SASH1: variants seen among roughly 807,000 people sequenced by gnomAD.
The protein encoded by SASH1 is SAM and SH3 domain containing 1.
SASH1 carries 44 observed loss-of-function variants against 125.2 expected under a neutral mutation model. The ratio of observed to expected loss-of-function variants is 0.35; its 90% CI spans 0.28 to 0.45. The LOEUF is 0.45. Ranked by LOEUF, SASH1 falls within the 20% of genes least tolerant of loss-of-function variation. The probability of loss-of-function intolerance (pLI) is 1.00; values close to 1 mark genes in which losing one functional copy is unlikely to be tolerated. For synonymous variants in SASH1, 639 were observed against 649.1 expected (o/e 0.98, Z 0.24); for missense variants, 1,426 against 1,614.5 (o/e 0.88, Z 2.00).
intron 2 of SASH1, among the ~76,000 whole-genome samples, chr6:148,436,278 C>T (rs1170486959): frequency 6.6e-6 from 1 of 152,056 alleles, no homozygotes; most frequent in East Asian, 1.9e-4. Flanking sequence ...ATTGCTTGAG[C>T]CCAGGAGTTC....
At chr6:148,390,077 C>T in intron 1 of SASH1, 57 bp from the exon 2 acceptor site, 2 of 1,601,128 alleles carry the variant, frequency 1.2e-6, no homozygotes, top group East Asian at 4.5e-5. Context: ...GGTCCGATGG[C>T]TGTGGGCTTT....
At position 148,360,636 on chromosome 6, in the gene SASH1, A is replaced by ACCCCC. The variant is rs67278438; in HGVS notation, c.156+17416_156+17420dup. 2.1e-3 allele frequency among the ~76,000 whole-genome samples: 271 copies of ACCCCC among 127,538 alleles called. 11 individuals are homozygous for ACCCCC. Among genetic ancestry groups the ACCCCC allele is most frequent in the East Asian group, 7.1e-3 (30 of 4,222 alleles). The allele number at this position is 127,538 out of a possible 152,430, so 83.7% of individuals were successfully genotyped here. On this transcript the variant is annotated intron_variant, in intron 1 of 19. Coordinates refer to ENST00000367467, the MANE Select transcript of SASH1 (RefSeq NM_015278.5). ...AGTGTTGGGATTACAGGCGTGAGCC[A>ACCCCC]CCCCCCCGCCAGGCTTTAAAGCCTT... is the stretch of plus-strand genomic sequence containing the variant.
At chr6:148,401,324 G>A (rs921220520) in intron 2 of SASH1, among the ~76,000 whole-genome samples, 2 of 151,808 alleles carry the variant, frequency 1.3e-5, no homozygotes, top group African/African-American at 2.4e-5. Flanking sequence ...TATCAGGAAG[G>A]ACACACACTA....
At chr6:148,243,930 C>T in the SASH1 span, among the ~76,000 whole-genome samples, 1 of 152,058 alleles carries the variant, frequency 6.6e-6, no homozygotes, top group Non-Finnish European at 1.5e-5. Flanking sequence ...AGCGCCTGGC[C>T]CACCTGGCCA....
intron 8 of SASH1, chr6:148,508,812 G>T: frequency 2.9e-6 from 2 of 698,680 alleles, no homozygotes; most frequent in Non-Finnish European, 4.3e-6. Flanking sequence ...CTCCGAGTGG[G>T]GAGGGGGGTG....
chr6:148,278,468 C>A (rs1779250157), intron 1 of SASH1, among the ~76,000 whole-genome samples: 1 of 151,990 alleles, frequency 6.6e-6, no homozygotes, highest in South Asian at 2.1e-4. Context: ...ATTTTTAGGT[C>A]TTTTCACATG....
At chr6:148,447,959 G>A (rs190062955) in intron 4 of SASH1, among the ~76,000 whole-genome samples, 15 of 152,042 alleles carry the variant, frequency 9.9e-5, no homozygotes, top group Non-Finnish European at 1.0e-4. Flanking sequence ...CCCACTCCCC[G>A]ACCTTTCCCT....
chr6:148,533,750 T>A lies in SASH1; in HGVS notation c.1735-21T>A. On this transcript the variant is annotated intron_variant, in intron 14 of 19. Transcript: ENST00000367467. This position sits in a 1 kb window ranked among gnomAD's most constrained non-coding sequence, Gnocchi z 6.2. ...TCATGGAATGTACCTAATGGAAAGA[T>A]CTTTGCTCCCTGGGCCACAGAAAGG... is the stretch of plus-strand genomic sequence containing the variant. 1 of 1,603,278 alleles carries A rather than the reference T, an allele frequency of 6.2e-7. No homozygotes were observed.
At chr6:148,469,481 C>T (rs144354681) in intron 5 of SASH1, among the ~76,000 whole-genome samples, 1 of 152,260 alleles carries the variant, frequency 6.6e-6, no homozygotes, top group Non-Finnish European at 1.5e-5. Flanking sequence ...TTCTCTTATC[C>T]CAGCAATTTG....
At position 148,544,932 on chromosome 6, in the gene SASH1, G is replaced by A. The variant is rs1042750674; in HGVS notation, c.3348+114G>A. ...GCCCGGTAGCCCGCCCAGTGGACAGGAGACACCTGAATCCACGTGTCCACA... is the reference window on the plus strand; with the variant it reads ...GCCCGGTAGCCCGCCCAGTGGACAGAAGACACCTGAATCCACGTGTCCACA... On this transcript the variant is annotated intron_variant, in intron 18 of 19. Coordinates refer to ENST00000367467, the MANE Select transcript of SASH1 (RefSeq NM_015278.5). The surrounding 1 kb of genome is among the most constrained non-coding windows in gnomAD (Gnocchi z 6.4). 3 of 986,858 alleles carry A rather than the reference G, an allele frequency of 3.0e-6. No individual in the cohort carries two copies. In the African/African-American group the frequency reaches 4.9e-5, roughly 16 times the overall value. The allele number at this position is 986,858 out of a possible 1,614,324, so 61.1% of individuals were successfully genotyped here.
chr6:148,305,764 G>T (rs968391060), intron 1 of SASH1, among the ~76,000 whole-genome samples: 24 of 152,188 alleles, frequency 1.6e-4, no homozygotes, highest in African/African-American at 5.6e-4. Flanking sequence ...AGAGCTGTGG[G>T]CAGGATTAAA....
chr6:148,273,865 A>C (rs1779123016), intron 1 of SASH1, among the ~76,000 whole-genome samples: 1 of 152,222 alleles, frequency 6.6e-6, no homozygotes, highest in Non-Finnish European at 1.5e-5. Context: ...GTGCCCAGTC[A>C]ATACTTGTTG....
chr6:148,489,850 CTGTGTGTGTGTGTGTGTG>C (rs151183028), intron 8 of SASH1, among the ~76,000 whole-genome samples: 2 of 136,574 alleles, frequency 1.5e-5, no homozygotes, highest in Non-Finnish European at 3.1e-5. Flanking sequence ...GCTATATAGG[CTGTGTGTGTGTGTGTGTG>C]TGTGTGTGTG....
chr6:148,224,986 G>A, the SASH1 span, among the ~76,000 whole-genome samples: 1 of 152,198 alleles, frequency 6.6e-6, no homozygotes, highest in East Asian at 1.9e-4. Flanking sequence ...GGGAGAAGTG[G>A]TTCCCAAGGA....
chr6:148,460,685 A>G (rs1352933508), intron 4 of SASH1, among the ~76,000 whole-genome samples: 1 of 152,242 alleles, frequency 6.6e-6, no homozygotes, highest in Admixed American at 6.5e-5. Flanking sequence ...CTTAAGGAAG[A>G]CAATAGGATA....
At chr6:148,415,064 C>T (rs956158659) in intron 2 of SASH1, among the ~76,000 whole-genome samples, 2 of 152,212 alleles carry the variant, frequency 1.3e-5, no homozygotes, top group Non-Finnish European at 2.9e-5. Context: ...TCACCACCAT[C>T]GACTTCACAG....
rs1439150391 is a variant in SASH1 at position 148,344,902 on chromosome 6, CG to C, written c.156+1680del. ...TCCTGAGTAGCTGGGATTACAGGCG[CG>C]CAACACCACACCCGGCTGATTTTTG... On this transcript the variant is annotated intron_variant, in intron 1 of 19. Coordinates refer to ENST00000367467, the MANE Select transcript of SASH1 (RefSeq NM_015278.5). Among the ~76,000 whole-genome samples the C allele has an allele frequency of 1.9e-4, 29 of 152,012 alleles. 1 individual carries two copies. In the Middle Eastern group the frequency reaches 0.014, roughly 71 times the overall value.
In SASH1 at chr6:148,519,535, G is replaced by A. The variant is rs769841394; in HGVS notation, c.863-12G>A. ...GGTGTGTTCACAAGAGACTCTGTTG[G>A]TTTCCCTCCAGGTGGGGAGGAGCAC... is the stretch of plus-strand genomic sequence containing the variant. On this transcript the variant is annotated splice_polypyrimidine_tract_variant and intron_variant, in intron 9 of 19. Coordinates refer to ENST00000367467, the MANE Select transcript of SASH1 (RefSeq NM_015278.5). The surrounding 1 kb of genome is among the most constrained non-coding windows in gnomAD (Gnocchi z 4.8). The A allele has an allele frequency of 1.2e-6, 2 of 1,605,622 alleles. No homozygotes were observed. The highest frequency in any genetic ancestry group is 1.1e-5 in the South Asian group (1 of 90,638).
chr6:148,203,694 C>T, the SASH1 span, among the ~76,000 whole-genome samples: 1 of 152,202 alleles, frequency 6.6e-6, no homozygotes, highest in African/African-American at 2.4e-5. Context: ...ACAGTAGCAG[C>T]TGCTGCAGAG....
Sources: gnomAD v4.1 joint callset for allele counts (sites outside exome capture counted in the v4.1 genomes callset) on GRCh38, gnomAD v4.1.1 for gene constraint, Gnocchi (gnomAD v3.1) non-coding constraint, MANE v1.5 for transcripts, NCBI Gene and HGNC (gene_info 2026-07-23, HGNC 2026-07-21) for gene names.